Variants in PCK2 observed in about 807,000 individuals in gnomAD.
PCK2 encodes phosphoenolpyruvate carboxykinase [GTP], mitochondrial.
PCK2 carries 56 observed loss-of-function variants against 65.9 expected under a neutral mutation model. That is an observed-to-expected ratio of 0.85 (90% CI 0.69 to 1.06). PCK2 has a LOEUF of 1.06. Ranked by LOEUF, PCK2 falls within the 50% of genes least tolerant of loss-of-function variation. PCK2 has a pLI of 0.00. For missense variants in PCK2, 843 were observed against 863.1 expected, an observed-to-expected ratio of 0.98 and a Z score of 0.29; for synonymous variants, 305 against 319.6, an observed-to-expected ratio of 0.95 and a Z score of 0.49.
intron 6 of PCK2, 66 bp from the exon 7 acceptor site, chr14:24,099,929 C>T: frequency 6.2e-7 from 1 of 1,613,724 alleles, no homozygotes; most frequent in Non-Finnish European, 8.5e-7. Context: ...GGAGCAGGAC[C>T]TTCTTTGGTC....
In PCK2 at chr14:24,102,811, C is replaced by T; in HGVS notation, c.1293C>T (p.Cys431=). ...NSRFCAPARQ[C]PIMDPAWEAP... ...GATTTTGTGCCCCGGCTCGCCAGTG[C>T]CCCATCATGGACCCAGCCTGGGAGG... Residue 431 remains cysteine, a synonymous_variant, in exon 8 of 10, where the codon TGC becomes TGT. Coordinates refer to ENST00000216780, the MANE Select transcript of PCK2 (RefSeq NM_004563.4). 1 of 1,613,532 alleles carries T rather than the reference C, an allele frequency of 6.2e-7. No individual in the cohort carries two copies.
intron 7 of PCK2, among the ~76,000 whole-genome samples, chr14:24,101,834 G>T (rs2037174389): frequency 6.6e-6 from 1 of 151,488 alleles, no homozygotes; most frequent in African/African-American, 2.4e-5. Flanking sequence ...AAAATTGCTT[G>T]ATCCCAGGAG....
intron 6 of PCK2, 110 bp from the exon 7 acceptor site, chr14:24,099,885 C>A (rs988643796): frequency 2.7e-5 from 43 of 1,594,582 alleles, no homozygotes; most frequent in Non-Finnish European, 3.5e-5. Flanking sequence ...CTTTCCTCAT[C>A]AGATCTTGGG....
Position 24,096,777 on chromosome 14 carries a change from C to A in PCK2, c.30-115C>A, listed in dbSNP as rs967821956. ...CCAACTGCAACCTGCTCTTCATGGTCCCTGCATGCAGACATGTTTTAGCAG... is the reference window on the plus strand; with the variant it reads ...CCAACTGCAACCTGCTCTTCATGGTACCTGCATGCAGACATGTTTTAGCAG... On this transcript the variant is annotated intron_variant, in intron 1 of 9. Transcript: ENST00000216780. 7 of 853,822 alleles carry A rather than the reference C, an allele frequency of 8.2e-6. No homozygotes were observed. In the African/African-American group the frequency reaches 1.2e-4, roughly 14 times the overall value. 52.9% of individuals were successfully genotyped at this position (853,822 alleles called of 1,614,324 possible).
At chr14:24,099,423 C>T (rs2037058879) in intron 5 of PCK2, 135 bp from the exon 6 acceptor site, 1 of 1,024,400 alleles carries the variant, frequency 9.8e-7, no homozygotes, top group African/African-American at 1.6e-5. Flanking sequence ...TAACCCAGGC[C>T]TGATGGCAGG....
intron 7 of PCK2, among the ~76,000 whole-genome samples, chr14:24,101,112 T>C (rs1183114923): frequency 6.6e-6 from 1 of 152,090 alleles, no homozygotes; most frequent in Non-Finnish European, 1.5e-5. Flanking sequence ...ACTAACACCA[T>C]CATTAAGCCC....
Position 24,100,118 on chromosome 14 carries a change from A to T in PCK2, c.1139A>T (p.Glu380Val). The change falls in exon 7 of 10, where the codon GAG (glutamate) becomes GTG (valine). Residue 380 changes from glutamate to valine, a missense_variant. Glu to Val is a moderately radical substitution (Grantham distance 121, BLOSUM62 -2). Transcript: ENST00000216780. ...AACACTATTTTTACCAATGTGGCTGAGACCAGTGATGGTGGCGTGTACTGG... is the reference window on the plus strand; with the variant it reads ...AACACTATTTTTACCAATGTGGCTGTGACCAGTGATGGTGGCGTGTACTGG... ...QSNTIFTNVA[E>V]TSDGGVYWEG... is the part of the protein sequence containing the mutation. The T allele has an allele frequency of 6.2e-7, 1 of 1,613,356 alleles. No individual in the cohort carries two copies. The highest frequency in any genetic ancestry group is 8.5e-7 in the Non-Finnish European group (1 of 1,179,560).
chr14:24,103,699 G>A lies in PCK2; in HGVS notation c.1658G>A (p.Arg553Gln), dbSNP rs149521304. The A allele has an allele frequency of 4.3e-5, 70 of 1,614,068 alleles. No homozygotes were observed. The highest frequency in any genetic ancestry group is 1.8e-4 in the East Asian group (8 of 44,884). The part of the protein sequence containing the change: ...FLWPGFGENA[R>Q]VLDWICRRLE... Reference sequence around the variant, plus strand: ...TGGCCAGGCTTTGGGGAGAATGCTCGGGTGCTAGACTGGATCTGCCGGCGG... The same window carrying A: ...TGGCCAGGCTTTGGGGAGAATGCTCAGGTGCTAGACTGGATCTGCCGGCGG... The change falls in exon 10 of 10, where the codon CGG becomes CAG. Residue 553 changes from arginine to glutamine, a missense_variant. Coordinates refer to ENST00000216780, the MANE Select transcript of PCK2 (RefSeq NM_004563.4).
rs1443818667 is a variant in PCK2 at position 24,094,716 on chromosome 14, C to T, written c.29+282C>T. The T allele has an allele frequency of 4.0e-6, 6 of 1,504,936 alleles. No individual in the cohort carries two copies. In the African/African-American group the frequency reaches 5.5e-5, roughly 14 times the overall value. 93.2% of individuals were successfully genotyped at this position (1,504,936 alleles called of 1,614,324 possible). On this transcript the variant is annotated intron_variant, in intron 1 of 9. Transcript: ENST00000216780. This position sits in a 1 kb window ranked among gnomAD's most constrained non-coding sequence, Gnocchi z 4.1. ...ACTCTCAGAACTTCCTCTCTCTCCT[C>T]GCTCCTCTCTGCTGAGCCAGGTCTC... is the stretch of plus-strand genomic sequence containing the variant.
chr14:24,102,615 C>T (rs1370288974), intron 7 of PCK2, 138 bp from the exon 8 acceptor site: 3 of 701,374 alleles, frequency 4.3e-6, no homozygotes, highest in Admixed American at 2.4e-5. Flanking sequence ...CCTCTCTCTG[C>T]TCCTTATCAC....
chr14:24,100,475 C>T (rs551653049), intron 7 of PCK2: 6 of 832,266 alleles, frequency 7.2e-6, no homozygotes, highest in Non-Finnish European at 1.0e-5. Flanking sequence ...TGTGATAGTA[C>T]CTATCTCATG....
Position 24,098,527 on chromosome 14 carries a change from G to A in PCK2, c.513G>A (p.Leu171=). The A allele has an allele frequency of 1.9e-6, 3 of 1,614,182 alleles. No homozygotes were observed. In the South Asian group the frequency reaches 3.3e-5, roughly 18 times the overall value. ...PFSMGPVGSP[L]SRIGVQLTDS... The stretch of plus-strand genomic sequence containing the variant: ...GCATGGGTCCTGTGGGCTCCCCGCT[G>A]TCCCGCATCGGGGTGCAGCTCACTG... The change falls in exon 4 of 10, where the codon CTG becomes CTA. Residue 171 remains leucine (L), a synonymous_variant. Coordinates refer to ENST00000216780, the MANE Select transcript of PCK2 (RefSeq NM_004563.4).
chr14:24,101,003 A>G lies in PCK2; in HGVS notation c.1234+790A>G, dbSNP rs577934819. Among the ~76,000 whole-genome samples the G allele has an allele frequency of 2.0e-5, 3 of 152,194 alleles. No individual in the cohort carries two copies. The South Asian group carries it at 6.2e-4, about 32-fold the overall frequency. ...AGGCAGGGGCAAAGAAGAGCATGGGAGGGGAGGCTGGCCTTGTAGTCACTG... is the reference window on the plus strand; with the variant it reads ...AGGCAGGGGCAAAGAAGAGCATGGGGGGGGAGGCTGGCCTTGTAGTCACTG... On this transcript the variant is annotated intron_variant, in intron 7 of 9. Transcript: ENST00000216780.
At chr14:24,103,306 C>T in intron 9 of PCK2, 51 bp downstream of exon 9, 1 of 1,442,524 alleles carries the variant, frequency 6.9e-7, no homozygotes, top group Non-Finnish European at 9.7e-7. Context: ...ACAGCACGTC[C>T]TCTCTCCCTT....
Position 24,103,147 on chromosome 14 carries a change from A to T in PCK2, c.1373-13A>T. 1.9e-6 allele frequency: 3 copies of T among 1,602,910 alleles called. No individual in the cohort carries two copies. The highest frequency in any genetic ancestry group is 2.6e-6 in the Non-Finnish European group (3 of 1,169,944). ...AAAAGGGCTGCCTGTGACTCTGTTC[A>T]TTGGTGATCTAGGGGTACCCCTGGT... On this transcript the variant is annotated splice_polypyrimidine_tract_variant and intron_variant, in intron 8 of 9. Coordinates refer to ENST00000216780, the MANE Select transcript of PCK2 (RefSeq NM_004563.4).
chr14:24,097,195 C>G, intron 2 of PCK2, 58 bp downstream of exon 2: 1 of 1,552,462 alleles, frequency 6.4e-7, no homozygotes, highest in Non-Finnish European at 8.8e-7. Context: ...TTTGGGTTCA[C>G]CAAGGCAAAA....
Position 24,103,602 on chromosome 14 carries a change from C to G in PCK2, c.1561C>G (p.Arg521Gly). ...YLEHWLSMEG[R>G]KGAQLPRIFH... ...GGAACACTGGCTGAGCATGGAAGGG[C>G]GCAAGGGGGCCCAGCTGCCCCGTAT... The change falls in exon 10 of 10, where the codon CGC becomes GGC. Residue 521 changes from arginine to glycine, a missense_variant. Physicochemically the swap from Arg to Gly is moderately radical, Grantham distance 125 (BLOSUM62 -2). Transcript: ENST00000216780. 1 of 1,611,914 alleles carries G rather than the reference C, an allele frequency of 6.2e-7. No homozygotes were observed. Among genetic ancestry groups the G allele is most frequent in the East Asian group, 2.2e-5 (1 of 44,860 alleles).
In PCK2 at chr14:24,100,222, G is replaced by A. The variant is rs201034301; in HGVS notation, c.1234+9G>A. On this transcript the variant is annotated intron_variant, in intron 7 of 9. Coordinates refer to ENST00000216780, the MANE Select transcript of PCK2 (RefSeq NM_004563.4). ...CAAACCCTGGAAACCTGGTATGTGC[G>A]GTGGGGAAGGTGTGGCACAGCCTCC... 9.5e-5 allele frequency: 154 copies of A among 1,613,780 alleles called. 1 individual carries two copies. The highest frequency in any genetic ancestry group is 1.3e-4 in the Admixed American group (8 of 59,966).
intron 7 of PCK2, among the ~76,000 whole-genome samples, chr14:24,100,916 G>A (rs995848733): frequency 1.3e-5 from 2 of 152,162 alleles, no homozygotes; most frequent in Admixed American, 6.5e-5. Context: ...CCTCAGCCCT[G>A]CACTCTGGAC....
Sources: allele counts gnomAD v4.1 joint callset (sites outside exome capture counted in the v4.1 genomes callset), GRCh38; gene constraint gnomAD v4.1.1; non-coding constraint Gnocchi (gnomAD v3.1); transcripts MANE v1.5; gene names NCBI Gene and HGNC (gene_info 2026-07-23, HGNC 2026-07-21).